AGBL1: variants seen among roughly 807,000 people sequenced by gnomAD.
AGBL1 encodes AGBL carboxypeptidase 1.
In AGBL1, 130 loss-of-function variants were observed where a neutral mutation model predicts 118.9. The ratio of observed to expected loss-of-function variants is 1.09; its 90% CI spans 0.95 to 1.26. The LOEUF (loss-of-function observed/expected upper bound fraction) is 1.26, where lower values mean the gene tolerates loss of function less well. Among genes scored for constraint, AGBL1 ranks in the 50% most tolerant of loss-of-function variants. The probability of loss-of-function intolerance (pLI) is 0.00; values close to 1 mark genes in which losing one functional copy is unlikely to be tolerated. For synonymous variants in AGBL1, 555 were observed against 478.9 expected, an observed-to-expected ratio of 1.16 and a Z score of -2.08; for missense variants, 1,584 against 1,298.1, an observed-to-expected ratio of 1.22 and a Z score of -3.38.
At chr15:86,329,563 C>T (rs1022877800) in intron 17 of AGBL1, among the ~76,000 whole-genome samples, 4 of 152,136 alleles carry the variant, frequency 2.6e-5, no homozygotes, top group African/African-American at 7.2e-5. Context: ...CCAGGCAGAT[C>T]TCCAGGTATT....
chr15:86,512,734 A>G (rs2083067681), intron 18 of AGBL1, among the ~76,000 whole-genome samples: 1 of 151,418 alleles, frequency 6.6e-6, no homozygotes, highest in African/African-American at 2.4e-5. Flanking sequence ...ATCTTTTTCT[A>G]CCCTTCTACA....
intron 22 of AGBL1, among the ~76,000 whole-genome samples, chr15:86,878,906 C>T (rs2079851679): frequency 6.6e-6 from 1 of 152,240 alleles, no homozygotes; most frequent in Non-Finnish European, 1.5e-5. Context: ...GGATGGGATT[C>T]TCTGAGTCCA....
At chr15:86,769,045 A>G (rs2078134633) in intron 22 of AGBL1, among the ~76,000 whole-genome samples, 1 of 151,986 alleles carries the variant, frequency 6.6e-6, no homozygotes, top group Non-Finnish European at 1.5e-5. Context: ...CCAAAGGAGC[A>G]TATTGCATCA....
intron 22 of AGBL1, among the ~76,000 whole-genome samples, chr15:86,679,653 C>G (rs2085915951): frequency 1.0e-5 from 1 of 98,914 alleles, no homozygotes; most frequent in Non-Finnish European, 2.4e-5. Flanking sequence ...GAGAATGACT[C>G]TAAGCATTTA....
chr15:86,546,395 C>G (rs547095849), intron 20 of AGBL1, among the ~76,000 whole-genome samples: 2 of 152,094 alleles, frequency 1.3e-5, no homozygotes, highest in African/African-American at 4.8e-5. Flanking sequence ...GGCATGAGAA[C>G]TAGAGACAGA....
chr15:86,568,917 G>A (rs1165835078), intron 21 of AGBL1, among the ~76,000 whole-genome samples: 1 of 152,036 alleles, frequency 6.6e-6, no homozygotes, highest in Non-Finnish European at 1.5e-5. Flanking sequence ...GATGCTGTAT[G>A]TATGATAAAT....
chr15:86,454,413 G>T (rs1044277454), intron 18 of AGBL1, among the ~76,000 whole-genome samples: 1 of 152,076 alleles, frequency 6.6e-6, no homozygotes. Context: ...GAATTCCACT[G>T]TCTCCCCAAG....
chr15:86,171,034 G>A (rs2077406994), intron 5 of AGBL1, among the ~76,000 whole-genome samples: 1 of 152,166 alleles, frequency 6.6e-6, no homozygotes, highest in South Asian at 2.1e-4. Flanking sequence ...ATGGAATTCT[G>A]TACTCAGTGA....
At chr15:87,005,764 G>C (rs1268472504) in intron 24 of AGBL1, among the ~76,000 whole-genome samples, 2 of 152,142 alleles carry the variant, frequency 1.3e-5, no homozygotes, top group African/African-American at 4.8e-5. Flanking sequence ...GAAGAGGAGA[G>C]GTGCTCTGAT....
intron 19 of AGBL1, among the ~76,000 whole-genome samples, chr15:86,535,264 A>C (rs891142881): frequency 5.9e-5 from 9 of 152,348 alleles, no homozygotes; most frequent in African/African-American, 1.9e-4. Context: ...CAAGCTCTAC[A>C]ATCAGCTAGC....
intron 22 of AGBL1, among the ~76,000 whole-genome samples, chr15:86,903,859 G>T (rs111448481): frequency 0.016 from 2,379 of 152,252 alleles, 26 homozygotes; most frequent in East Asian, 0.025. Flanking sequence ...AGTGGTAGGG[G>T]ACAGTCTTGT....
At chr15:86,675,875 A>C (rs1479604916) in intron 22 of AGBL1, among the ~76,000 whole-genome samples, 1 of 152,114 alleles carries the variant, frequency 6.6e-6, no homozygotes, top group East Asian at 1.9e-4. Context: ...CGTCTGTTTG[A>C]TCCAATTCAG....
chr15:86,298,083 G>A (rs1037623950), intron 17 of AGBL1, among the ~76,000 whole-genome samples: 13 of 151,358 alleles, frequency 8.6e-5, no homozygotes, highest in Admixed American at 1.3e-4. Flanking sequence ...TTCAGATACT[G>A]TGGCAGGAAG....
chr15:86,098,122 A>C (rs949327836), intron 1 of AGBL1, among the ~76,000 whole-genome samples: 7 of 152,062 alleles, frequency 4.6e-5, no homozygotes, highest in African/African-American at 1.7e-4. Flanking sequence ...TCTTATTTTG[A>C]GGAATGTTTA....
chr15:86,103,893 G>GT (rs1896879368), intron 1 of AGBL1, among the ~76,000 whole-genome samples: 1 of 152,222 alleles, frequency 6.6e-6, no homozygotes. Context: ...AGGTGGATGG[G>GT]TGGGTCCTTA....
chr15:86,948,586 G>A (rs964446962), intron 23 of AGBL1, among the ~76,000 whole-genome samples: 15 of 152,174 alleles, frequency 9.9e-5, no homozygotes, highest in African/African-American at 2.4e-4. Context: ...AGGATTATGC[G>A]TGGCCCATCA....
intron 21 of AGBL1, among the ~76,000 whole-genome samples, chr15:86,620,620 T>C (rs548266314): frequency 1.6e-4 from 24 of 152,306 alleles, no homozygotes; most frequent in African/African-American, 5.5e-4. Flanking sequence ...ATCTATCCTC[T>C]GCATGCATTA....
intron 21 of AGBL1, among the ~76,000 whole-genome samples, chr15:86,650,566 TTGC>T (rs1190310961): frequency 6.6e-6 from 1 of 152,206 alleles, no homozygotes; most frequent in African/African-American, 2.4e-5. Context: ...AAGAATTCTA[TTGC>T]TTGTTTTTCT....
At chr15:86,718,208 C>G (rs1461043471) in intron 22 of AGBL1, among the ~76,000 whole-genome samples, 1 of 152,174 alleles carries the variant, frequency 6.6e-6, no homozygotes, top group Non-Finnish European at 1.5e-5. Flanking sequence ...AGCTAGAAAA[C>G]CATCCTGTGT....
Sources: gnomAD v4.1 joint callset for allele counts (sites outside exome capture counted in the v4.1 genomes callset) on GRCh38, gnomAD v4.1.1 for gene constraint, MANE v1.5 for transcripts, NCBI Gene and HGNC (gene_info 2026-07-23, HGNC 2026-07-21) for gene names.